Variants in TENT5D observed in about 807,000 individuals in gnomAD.
TENT5D encodes the protein terminal nucleotidyltransferase 5D, also known as cancer/testis antigen 112.
For synonymous variants in TENT5D, 103 were observed against 100.6 expected, an observed-to-expected ratio of 1.02 and a Z score of -0.15; for missense variants, 191 against 287.0, an observed-to-expected ratio of 0.67 and a Z score of 2.42.
At chrX:80,377,736 T>C (rs1000667349) in intron 3 of TENT5D, among the ~76,000 whole-genome samples, 1 of 112,075 alleles carries the variant, frequency 8.9e-6, no homozygotes, top group East Asian at 2.8e-4. Flanking sequence ...TTTATAATCC[T>C]TTGGGTATAT....
chrX:80,406,045 T>A (rs1162248669), intron 3 of TENT5D, among the ~76,000 whole-genome samples: 1 of 108,742 alleles, frequency 9.2e-6, no homozygotes, highest in African/African-American at 3.3e-5. Flanking sequence ...GGGTCCTGTC[T>A]GTTAGAAGGA....
chrX:80,406,980 A>G (rs2147549739), intron 3 of TENT5D, among the ~76,000 whole-genome samples: 1 of 106,497 alleles, frequency 9.4e-6, no homozygotes, highest in East Asian at 2.9e-4. Flanking sequence ...TCAACCCAGA[A>G]TTTCATATCC....
At chrX:80,358,629 C>T (rs1028731005) in intron 3 of TENT5D, among the ~76,000 whole-genome samples, 2 of 111,676 alleles carry the variant, frequency 1.8e-5, no homozygotes, top group African/African-American at 3.3e-5. Context: ...ATAATATCAT[C>T]GTACAAATGT....
At chrX:80,363,402 T>C (rs755002998) in intron 3 of TENT5D, among the ~76,000 whole-genome samples, 2 of 111,785 alleles carry the variant, frequency 1.8e-5, no homozygotes, top group Non-Finnish European at 3.8e-5. Context: ...AGAGGATATT[T>C]TGACCAATGT....
intron 2 of TENT5D, among the ~76,000 whole-genome samples, chrX:80,441,350 G>A (rs1171326574): frequency 1.8e-5 from 2 of 111,348 alleles, no homozygotes; most frequent in Non-Finnish European, 3.8e-5. Flanking sequence ...TATCAAAGTA[G>A]TCCACGTAGA....
chrX:80,396,203 A>G (rs992548139), intron 3 of TENT5D, among the ~76,000 whole-genome samples: 3 of 111,225 alleles, frequency 2.7e-5, no homozygotes, highest in Non-Finnish European at 5.7e-5. Context: ...CTTTGGATTA[A>G]TTCCAAGTAG....
intron 3 of TENT5D, among the ~76,000 whole-genome samples, chrX:80,385,865 A>G (rs1018852598): frequency 6.2e-5 from 7 of 112,414 alleles, no homozygotes; most frequent in Admixed American, 4.7e-4. Context: ...AATCAAAACC[A>G]CAGTGAGATA....
intron 1 of TENT5D, among the ~76,000 whole-genome samples, chrX:80,435,426 G>A (rs1464229297): frequency 9.0e-6 from 1 of 111,565 alleles, no homozygotes; most frequent in South Asian, 3.7e-4. Context: ...ATGTAAAACC[G>A]TTTTCATTTA....
rs72029455 is a variant in TENT5D, at chrX:80,392,495, C to CTTT, written c.-141-46085_-141-46083dup. Among the ~76,000 whole-genome samples, 42 of 24,305 alleles carry CTTT rather than the reference C, an allele frequency of 1.7e-3. 5 individuals carry two copies. Among genetic ancestry groups the CTTT allele is most frequent in the African/African-American group, 3.4e-3 (17 of 5,011 alleles). The allele number at this position is 24,305 out of a possible 115,157, so 21.1% of individuals were successfully genotyped here. ...TTTATAGCTTTATTCTCATTTTATT[C>CTTT]TTTTTTTTTTTTTTTTTTTTTTTTT... is the stretch of plus-strand genomic sequence containing the variant. On this transcript the variant is annotated intron_variant, in intron 3 of 4. Transcript: ENST00000538312.
chrX:80,432,713 G>A (rs1297692212), intron 1 of TENT5D, among the ~76,000 whole-genome samples: 8 of 111,214 alleles, frequency 7.2e-5, no homozygotes, highest in African/African-American at 2.6e-4. Flanking sequence ...TTTGTCTCAT[G>A]TCCAGGAGAA....
At chrX:80,428,568 C>T (rs1932026764) in intron 1 of TENT5D, among the ~76,000 whole-genome samples, 1 of 112,425 alleles carries the variant, frequency 8.9e-6, no homozygotes, top group Non-Finnish European at 1.9e-5. Context: ...TGCTTTCAAG[C>T]AAGGCTTGCT....
intron 3 of TENT5D, among the ~76,000 whole-genome samples, chrX:80,403,323 A>G (rs953873562): frequency 2.6e-4 from 29 of 112,049 alleles, no homozygotes; most frequent in African/African-American, 9.1e-4. Flanking sequence ...GTGACAAGGT[A>G]AAATACCCTT....
chrX:80,372,451 A>T (rs1213998950), intron 3 of TENT5D, among the ~76,000 whole-genome samples: 1 of 112,081 alleles, frequency 8.9e-6, no homozygotes, highest in Non-Finnish European at 1.9e-5. Flanking sequence ...ATATAAAAAC[A>T]TTGCAACTTC....
chrX:80,366,957 A>G (rs1258812575), intron 3 of TENT5D, among the ~76,000 whole-genome samples: 1 of 111,596 alleles, frequency 9.0e-6, no homozygotes, highest in Non-Finnish European at 1.9e-5. Context: ...ACCATGTGAG[A>G]TAGAAAATAT....
chrX:80,415,755 C>T (rs1302063213), upstream of TENT5D, among the ~76,000 whole-genome samples: 1 of 111,266 alleles, frequency 9.0e-6, no homozygotes, highest in Non-Finnish European at 1.9e-5. Flanking sequence ...CTGAAGTTTT[C>T]TTTTTTGTTT....
intron 3 of TENT5D, among the ~76,000 whole-genome samples, chrX:80,398,109 C>T (rs1023193517): frequency 6.2e-5 from 7 of 112,248 alleles, no homozygotes; most frequent in Admixed American, 1.9e-4. Context: ...AATAGTCGTC[C>T]TTGCTGGGGT....
chrX:80,400,875 C>T (rs1220894030), intron 3 of TENT5D, among the ~76,000 whole-genome samples: 2 of 111,489 alleles, frequency 1.8e-5, no homozygotes, highest in Non-Finnish European at 3.8e-5. Flanking sequence ...CTTTTGCTCA[C>T]GATTGCCTTG....
intron 1 of TENT5D, among the ~76,000 whole-genome samples, chrX:80,435,395 C>G (rs1458387196): frequency 3.6e-5 from 4 of 111,874 alleles, no homozygotes; most frequent in Non-Finnish European, 7.5e-5. Flanking sequence ...TACTTTTTAC[C>G]TAGATAAAAA....
At chrX:80,382,708 C>CCG (rs1556064224) in intron 3 of TENT5D, among the ~76,000 whole-genome samples, 2 of 109,102 alleles carry the variant, frequency 1.8e-5, no homozygotes, top group East Asian at 2.9e-4. Context: ...GCGGACGCCC[C>CCG]CCCCCCACTG....
Sources: allele counts gnomAD v4.1 joint callset (sites outside exome capture counted in the v4.1 genomes callset), GRCh38; gene constraint gnomAD v4.1.1; transcripts MANE v1.5; gene names NCBI Gene and HGNC (gene_info 2026-07-23, HGNC 2026-07-21).